Variants in DMD observed in about 807,000 individuals in gnomAD.
DMD encodes the protein mutant dystrophin.
In DMD, 63 loss-of-function variants were observed where a neutral mutation model predicts 330.1. The ratio of observed to expected loss-of-function variants is 0.19; its 90% CI spans 0.16 to 0.24. The LOEUF is 0.24. DMD is among the 10% of genes least tolerant of loss of function. The pLI is 1.00. For missense variants in DMD, 3,344 were observed against 2,684.1 expected (o/e 1.25, Z -5.43); for synonymous variants, 1,223 against 959.8 (o/e 1.27, Z -5.07).
At chrX:31,510,337 T>C (rs2071363504) in intron 55 of DMD, among the ~76,000 whole-genome samples, 1 of 110,747 alleles carries the variant, frequency 9.0e-6, no homozygotes, top group Non-Finnish European at 1.9e-5. Flanking sequence ...CCAGAAGCAT[T>C]GGATATAATA....
intron 71 of DMD, among the ~76,000 whole-genome samples, chrX:31,174,525 T>C (rs1268666789): frequency 9.0e-6 from 1 of 111,170 alleles, no homozygotes; most frequent in Admixed American, 9.6e-5. Flanking sequence ...AGGCTTGGAC[T>C]TTTTCTTTTA....
chrX:31,997,949 C>G (rs766454668), intron 44 of DMD, among the ~76,000 whole-genome samples: 1 of 111,376 alleles, frequency 9.0e-6, no homozygotes, highest in African/African-American at 3.3e-5. Context: ...GCTTAAAGCA[C>G]TTTATGGAAT....
At chrX:32,033,311 A>G (rs1243606769) in intron 44 of DMD, among the ~76,000 whole-genome samples, 1 of 111,016 alleles carries the variant, frequency 9.0e-6, no homozygotes, top group Non-Finnish European at 1.9e-5. Flanking sequence ...CTGCTGTCCA[A>G]CATTCTACCT....
At chrX:32,420,915 A>T (rs1248059652) in intron 29 of DMD, among the ~76,000 whole-genome samples, 1 of 111,353 alleles carries the variant, frequency 9.0e-6, no homozygotes, top group Non-Finnish European at 1.9e-5. Flanking sequence ...TTCTACTGTG[A>T]TGTAGGCTCA....
At chrX:33,003,614 C>T (rs1012404214) in intron 2 of DMD, among the ~76,000 whole-genome samples, 2 of 100,766 alleles carry the variant, frequency 2.0e-5, no homozygotes, top group African/African-American at 8.6e-5. Context: ...TTCTTTTTGT[C>T]CGTTTTTTTA....
intron 11 of DMD, among the ~76,000 whole-genome samples, chrX:32,643,093 C>T (rs2059572322): frequency 9.0e-6 from 1 of 111,056 alleles, no homozygotes. Flanking sequence ...TTGTACCTCT[C>T]ACATCTAGGG....
intron 44 of DMD, among the ~76,000 whole-genome samples, chrX:32,197,001 AAAAAC>A (rs1276297465): frequency 5.9e-4 from 42 of 71,172 alleles, no homozygotes; most frequent in African/African-American, 2.3e-3. Context: ...AAAAAAAAAA[AAAAAC>A]AAAAACAAAA....
intron 9 of DMD, among the ~76,000 whole-genome samples, chrX:32,688,828 G>T (rs1268435561): frequency 9.0e-6 from 1 of 111,474 alleles, no homozygotes; most frequent in East Asian, 2.8e-4. Context: ...AACATGAATA[G>T]AATAATTCAG....
chrX:31,339,208 C>A (rs1199733924), intron 61 of DMD, among the ~76,000 whole-genome samples: 2 of 111,670 alleles, frequency 1.8e-5, no homozygotes, highest in Non-Finnish European at 3.8e-5. Context: ...GATGCAAAAT[C>A]TGGTTGCTAA....
At chrX:32,868,779 G>A (rs1026936607) in intron 2 of DMD, among the ~76,000 whole-genome samples, 1 of 112,122 alleles carries the variant, frequency 8.9e-6, no homozygotes, top group Non-Finnish European at 1.9e-5. Context: ...AGGGGGAGGG[G>A]TGGCCATGGT....
rs755144083 is a variant in DMD at position 32,698,009 on chromosome X, G to A, written c.832-11C>T. 23 of 1,182,490 alleles carry A rather than the reference G, an allele frequency of 1.9e-5. 1 individual carries two copies. In the Admixed American group the frequency reaches 4.4e-4, roughly 23 times the overall value. On this transcript the variant is annotated splice_polypyrimidine_tract_variant and intron_variant, in intron 8 of 78. Coordinates refer to ENST00000357033, the MANE Select transcript of DMD (RefSeq NM_004006.3). ...TAGACTGACCGTGATCTGCAGAGAA[G>A]GGTTTGGGGGAGTGGATAGAGAGGA...
intron 34 of DMD, among the ~76,000 whole-genome samples, chrX:32,371,595 T>C (rs140531046): frequency 0.019 from 2,116 of 111,548 alleles, 30 homozygotes; most frequent in Non-Finnish European, 0.029. Flanking sequence ...ATCATATAGA[T>C]TAGACTTTGT....
At chrX:33,333,199 T>TA (rs2054204356) in intron 1 of DMD, among the ~76,000 whole-genome samples, 1 of 111,521 alleles carries the variant, frequency 9.0e-6, no homozygotes, top group Non-Finnish European at 1.9e-5. Context: ...ACTAGATGGT[T>TA]AAAAAACAAT....
intron 43 of DMD, among the ~76,000 whole-genome samples, chrX:32,252,667 T>TATATAA (rs2097269845): frequency 7.4e-5 from 3 of 40,728 alleles, no homozygotes; most frequent in Admixed American, 5.0e-4. Context: ...TATATAAATA[T>TATATAA]ATATATATAA....
chrX:31,445,415 TTA>T (rs1160401434), intron 59 of DMD, among the ~76,000 whole-genome samples: 1 of 111,871 alleles, frequency 8.9e-6, no homozygotes, highest in Non-Finnish European at 1.9e-5. Context: ...TTCTTAACTA[TTA>T]TGTTATATGC....
At chrX:31,736,764 T>C (rs1292726883) in intron 51 of DMD, among the ~76,000 whole-genome samples, 1 of 111,245 alleles carries the variant, frequency 9.0e-6, no homozygotes, top group African/African-American at 3.3e-5. Context: ...GCATACCATA[T>C]GCCAAAAGAG....
chrX:31,741,881 T>C (rs954893689), intron 51 of DMD, among the ~76,000 whole-genome samples: 6 of 111,857 alleles, frequency 5.4e-5, no homozygotes, highest in Middle Eastern at 4.2e-3. Context: ...TTCGTCTATA[T>C]TGAAAATGTG....
chrX:31,210,626 C>T (rs1443825535), intron 64 of DMD, among the ~76,000 whole-genome samples: 1 of 112,140 alleles, frequency 8.9e-6, no homozygotes, highest in African/African-American at 3.2e-5. Context: ...TTGGAATTCT[C>T]AGTCCTTTGA....
At chrX:33,160,471 C>T (rs1261737269) in intron 1 of DMD, among the ~76,000 whole-genome samples, 1 of 111,670 alleles carries the variant, frequency 9.0e-6, no homozygotes, top group Non-Finnish European at 1.9e-5. Context: ...GATTTCAGTC[C>T]TCACCTGCCT....
Sources: gnomAD v4.1 joint callset for allele counts (sites outside exome capture counted in the v4.1 genomes callset) on GRCh38, gnomAD v4.1.1 for gene constraint, MANE v1.5 for transcripts, NCBI Gene and HGNC (gene_info 2026-07-23, HGNC 2026-07-21) for gene names.